The following BIRC3 variants were observed in gnomAD, a reference collection of about 807,000 sequenced individuals.
BIRC3 encodes baculoviral IAP repeat containing 3.
BIRC3 carries 26 observed loss-of-function variants against 59.0 expected under a neutral mutation model. That is an observed-to-expected ratio of 0.44 (90% CI 0.32 to 0.61). The LOEUF (loss-of-function observed/expected upper bound fraction) is 0.61. Ranked by LOEUF, BIRC3 falls within the 20% of genes least tolerant of loss-of-function variation. The pLI is 0.04. For missense variants in BIRC3, 641 were observed against 711.5 expected (o/e 0.90, Z 1.13); for synonymous variants, 243 against 249.2 (o/e 0.98, Z 0.24).
In BIRC3 at chr11:102,328,868, A is replaced by G. The variant is rs762593612; in HGVS notation, c.1033-29A>G. 9.2e-5 allele frequency: 71 copies of G among 771,034 alleles called. 1 individual carries two copies. The highest frequency in any genetic ancestry group is 1.2e-4 in the Non-Finnish European group (69 of 576,192). The allele number at this position is 771,034 out of a possible 1,614,324, so 47.8% of individuals were successfully genotyped here. On this transcript the variant is annotated intron_variant, in intron 4 of 8. Coordinates refer to ENST00000263464, the MANE Select transcript of BIRC3 (RefSeq NM_001165.5). ...GATTTCTATTTTAATTTATATATAT[A>G]TATATATATATATTTTTTTTTTCTG... is the stretch of plus-strand genomic sequence containing the variant.
intron 3 of BIRC3, among the ~76,000 whole-genome samples, chr11:102,327,245 TA>T (rs1951092646): frequency 6.6e-6 from 1 of 152,188 alleles, no homozygotes; most frequent in African/African-American, 2.4e-5. Context: ...ATATTAAGAG[TA>T]AATTGATTAT....
chr11:102,336,464 A>G (rs1392079232), intron 7 of BIRC3: 2 of 562,214 alleles, frequency 3.6e-6, no homozygotes, highest in Admixed American at 7.2e-5. Flanking sequence ...GTGATGGTGT[A>G]TGCCTGGTAA....
At position 102,337,503 on chromosome 11, in the gene BIRC3, G is replaced by A. The variant is rs967712373; in HGVS notation, c.*401G>A. Reference sequence around the variant, plus strand: ...CCTGTAGTCCCAGGCTGAGGCAAGAGAATTACTTGAGCCCAGGAGTTTGAA... The same window carrying A: ...CCTGTAGTCCCAGGCTGAGGCAAGAAAATTACTTGAGCCCAGGAGTTTGAA... On this transcript the variant is annotated 3_prime_UTR_variant, in exon 9 of 9. Coordinates refer to ENST00000263464, the MANE Select transcript of BIRC3 (RefSeq NM_001165.5). The A allele has an allele frequency of 8.9e-5, 35 of 393,502 alleles. No homozygotes were observed. Among genetic ancestry groups the A allele is most frequent in the African/African-American group, 7.0e-4 (34 of 48,442 alleles). The allele number at this position is 393,502 out of a possible 1,614,324, so 24.4% of individuals were successfully genotyped here. A position where few individuals can be genotyped will look rare whatever the true frequency, so the allele number is the denominator to read the frequency against.
At chr11:102,321,504 AC>A (rs1951030534) in intron 1 of BIRC3, among the ~76,000 whole-genome samples, 1 of 152,196 alleles carries the variant, frequency 6.6e-6, no homozygotes, top group South Asian at 2.1e-4. Context: ...ACAGGCGCGT[AC>A]CACCACACCC....
At chr11:102,329,472 T>C (rs761223326) in intron 5 of BIRC3, among the ~76,000 whole-genome samples, 5 of 152,000 alleles carry the variant, frequency 3.3e-5, no homozygotes, top group Non-Finnish European at 7.3e-5. Context: ...CAATTCAGTA[T>C]ATATTTATTG....
chr11:102,325,617 C>T, intron 3 of BIRC3, 52 bp downstream of exon 3: 2 of 1,522,138 alleles, frequency 1.3e-6, no homozygotes, highest in Non-Finnish European at 1.8e-6. Context: ...CATGAGATTG[C>T]TTATATGTGT....
intron 6 of BIRC3, among the ~76,000 whole-genome samples, chr11:102,331,740 G>A (rs1230732945): frequency 1.3e-5 from 2 of 152,172 alleles, no homozygotes; most frequent in Non-Finnish European, 2.9e-5. Flanking sequence ...TGCCTCCTGG[G>A]TTCAAGCAAT....
chr11:102,320,031 T>G (rs1441987550), intron 1 of BIRC3: 1 of 150,764 alleles, frequency 6.6e-6, no homozygotes, highest in Non-Finnish European at 1.5e-5. Flanking sequence ...GCCCGATGGT[T>G]TTTTTTTTTG....
chr11:102,332,735 G>A (rs1357467283), intron 6 of BIRC3, among the ~76,000 whole-genome samples: 2 of 152,174 alleles, frequency 1.3e-5, no homozygotes, highest in Non-Finnish European at 2.9e-5. Flanking sequence ...TCAGACCATA[G>A]TGATATAGCA....
chr11:102,320,797 C>T (rs1301257205), intron 1 of BIRC3, among the ~76,000 whole-genome samples: 1 of 152,234 alleles, frequency 6.6e-6, no homozygotes, highest in East Asian at 1.9e-4. Context: ...CAAATAGCAA[C>T]AGTCTGTTAT....
rs755158444 is a variant in BIRC3, at chr11:102,324,986, A to T, written c.477A>T (p.Arg159Ser). The T allele has an allele frequency of 3.7e-6, 6 of 1,614,206 alleles. No individual in the cohort carries two copies. In the Admixed American group the frequency reaches 1.0e-4, roughly 27 times the overall value. The change falls in exon 2 of 9, where the codon AGA (arginine) becomes AGT (serine). Residue 159 changes from arginine (R) to serine (S), a missense_variant. Physicochemically the swap from Arg to Ser is moderately radical, Grantham distance 110. Around this residue, in one of 4 missense-constraint regions of BIRC3, gnomAD observed 329 missense variants for 365.6 expected, o/e 0.90. Coordinates refer to ENST00000263464, the MANE Select transcript of BIRC3 (RefSeq NM_001165.5). ...RANQDFSALMRSSYHCAMNNE... is the reference protein window; with the variant it reads ...RANQDFSALMSSSYHCAMNNE... ...ATCAAGATTTTTCTGCCTTGATGAGAAGTTCCTACCACTGTGCAATGAATA... is the reference window on the plus strand; with the variant it reads ...ATCAAGATTTTTCTGCCTTGATGAGTAGTTCCTACCACTGTGCAATGAATA...
In BIRC3 at chr11:102,322,447, C is replaced by T. The variant is rs937932404; in HGVS notation, c.-2063C>T. The T allele has an allele frequency of 1.5e-5, 3 of 205,382 alleles. No homozygotes were observed. Among genetic ancestry groups the T allele is most frequent in the Admixed American group, 6.0e-5 (1 of 16,752 alleles). 12.7% of individuals were successfully genotyped at this position (205,382 alleles called of 1,614,324 possible). On this transcript the variant is annotated 5_prime_UTR_variant, in exon 2 of 9. It adds an upstream start codon to the 5' untranslated region. Coordinates refer to ENST00000263464, the MANE Select transcript of BIRC3 (RefSeq NM_001165.5). The stretch of plus-strand genomic sequence containing the variant: ...TTTACAAGGCCACTGATATTTTAAA[C>T]GTCCAAAAGTTTGTTTAAATGGGCT...
rs760066891 is a variant in BIRC3, at chr11:102,325,493, G to A, written c.881G>A (p.Cys294Tyr). ...VGNSDDVKCF[C>Y]CDGGLRCWES... ...AACAGTGATGATGTCAAATGCTTTT[G>A]CTGTGATGGTGGACTCAGGTGTTGG... Residue 294 changes from cysteine (C) to tyrosine (Y), a missense_variant, in exon 3 of 9, where the codon TGC becomes TAC. Around this residue, in one of 4 missense-constraint regions of BIRC3, gnomAD observed 329 missense variants for 365.6 expected, o/e 0.90. Coordinates refer to ENST00000263464, the MANE Select transcript of BIRC3 (RefSeq NM_001165.5). The A allele has an allele frequency of 1.2e-6, 2 of 1,612,708 alleles. No homozygotes were observed. Among genetic ancestry groups the A allele is most frequent in the African/African-American group, 1.3e-5 (1 of 75,034 alleles).
At chr11:102,333,068 T>C (rs1014508290) in intron 6 of BIRC3, among the ~76,000 whole-genome samples, 15 of 152,198 alleles carry the variant, frequency 9.9e-5, no homozygotes, top group Admixed American at 6.5e-4. Flanking sequence ...TATAATAATT[T>C]ACATTGTGAA....
chr11:102,336,544 T>A (rs1951198366), intron 7 of BIRC3: 2 of 587,672 alleles, frequency 3.4e-6, no homozygotes, highest in Non-Finnish European at 5.8e-6. Flanking sequence ...CCATGAGCTG[T>A]GATTGTGCCA....
In BIRC3 at chr11:102,338,950, CAACATCTGCTAGTGTTGTAAAGAG is replaced by C. The variant is rs1356169800; in HGVS notation, c.*1853_*1876del. ...CCTTCACTTTGGGTTTTCTGAGCCC[CAACATCTGCTAGTGTTGTAAAGAG>C]AACAATTAGGGACCAAGTGAGGGGA... is the stretch of plus-strand genomic sequence containing the variant. On this transcript the variant is annotated 3_prime_UTR_variant, in exon 9 of 9. Transcript: ENST00000263464. 4.6e-6 allele frequency: 1 copy of C among 218,030 alleles called. No homozygotes were observed. Among genetic ancestry groups the C allele is most frequent in the African/African-American group, 2.3e-5 (1 of 44,432 alleles). 13.5% of individuals were successfully genotyped at this position (218,030 alleles called of 1,614,324 possible).
In BIRC3 at chr11:102,337,118, T is replaced by C; in HGVS notation, c.*16T>C. 1.4e-6 allele frequency: 2 copies of C among 1,461,890 alleles called. No individual in the cohort carries two copies. The highest frequency in any genetic ancestry group is 1.8e-6 in the Non-Finnish European group (2 of 1,106,636). 90.6% of individuals were successfully genotyped at this position (1,461,890 alleles called of 1,614,324 possible). The stretch of plus-strand genomic sequence containing the variant: ...TCTTTCATGAAGAAGAACCAAAACA[T>C]CGTCTAAACTTTAGAATTAATTTAT... On this transcript the variant is annotated 3_prime_UTR_variant, in exon 9 of 9. Transcript: ENST00000263464.
chr11:102,335,006 C>A (rs184866090), intron 6 of BIRC3, among the ~76,000 whole-genome samples: 2 of 152,072 alleles, frequency 1.3e-5, no homozygotes, highest in African/African-American at 2.4e-5. Flanking sequence ...TTTTGGAGGC[C>A]GGAGTGGGCG....
intron 5 of BIRC3, 144 bp downstream of exon 5, chr11:102,329,089 C>A: frequency 2.5e-6 from 1 of 408,146 alleles, no homozygotes; most frequent in Non-Finnish European, 4.1e-6. Flanking sequence ...TTGGTATTTC[C>A]CAAACTTCAG....
Sources: gnomAD v4.1 joint callset for allele counts (sites outside exome capture counted in the v4.1 genomes callset) on GRCh38, gnomAD v4.1.1 for gene constraint, gnomAD v4.1.1 regional missense constraint, MANE v1.5 for transcripts, NCBI Gene and HGNC (gene_info 2026-07-23, HGNC 2026-07-21) for gene names.